RANBP2: variants seen among roughly 807,000 people sequenced by gnomAD.
The protein encoded by RANBP2 is E3 SUMO-protein ligase RanBP2.
A neutral mutation model predicts 303.6 loss-of-function variants in RANBP2; 57 were observed. The observed-to-expected ratio is 0.19, with a 90% CI of 0.15 to 0.23. RANBP2 has a LOEUF of 0.23. RANBP2 is among the 10% of genes least tolerant of loss of function. The pLI is 1.00. For synonymous variants in RANBP2, 1,167 were observed against 1,301.5 expected, an observed-to-expected ratio of 0.90 and a Z score of 2.23; for missense variants, 3,138 against 3,780.8, an observed-to-expected ratio of 0.83 and a Z score of 4.46.
At chr2:108,966,471 G>C in the RANBP2 span, among the ~76,000 whole-genome samples, 1 of 152,174 alleles carries the variant, frequency 6.6e-6, no homozygotes, top group East Asian at 1.9e-4. Flanking sequence ...CTCATCTCGC[G>C]GGCCCCGGTG....
the RANBP2 span, among the ~76,000 whole-genome samples, chr2:109,142,078 T>C: frequency 6.6e-6 from 1 of 151,568 alleles, no homozygotes; most frequent in African/African-American, 2.4e-5. Flanking sequence ...CTAGAACTTC[T>C]GCTGCAGCCC....
At chr2:109,742,999 G>A in the RANBP2 span, among the ~76,000 whole-genome samples, 2 of 148,576 alleles carry the variant, frequency 1.3e-5, no homozygotes, top group Admixed American at 1.3e-4. Context: ...AGCCAGGCAT[G>A]GTGGCTCACA....
the RANBP2 span, among the ~76,000 whole-genome samples, chr2:109,164,529 G>A: frequency 2.0e-5 from 3 of 152,238 alleles, no homozygotes; most frequent in East Asian, 1.9e-4. Context: ...AAGCCTGGCT[G>A]TTTCCCAGTT....
chr2:109,417,457 C>T, the RANBP2 span, among the ~76,000 whole-genome samples: 1 of 152,158 alleles, frequency 6.6e-6, no homozygotes, highest in South Asian at 2.1e-4. Context: ...GAAGGAATGC[C>T]CCCTTCCAGC....
the RANBP2 span, among the ~76,000 whole-genome samples, chr2:108,840,622 G>GTATT: frequency 1.2e-4 from 19 of 152,172 alleles, no homozygotes; most frequent in Non-Finnish European, 8.8e-5. Flanking sequence ...GTTTTTCATA[G>GTATT]TATTCTCTTA....
chr2:109,392,953 C>G, the RANBP2 span, among the ~76,000 whole-genome samples: 1 of 152,194 alleles, frequency 6.6e-6, no homozygotes, highest in East Asian at 1.9e-4. Flanking sequence ...GAACCAGTGT[C>G]AAAGGGAATC....
chr2:109,739,905 G>C, the RANBP2 span, among the ~76,000 whole-genome samples: 4 of 130,940 alleles, frequency 3.1e-5, no homozygotes, highest in Non-Finnish European at 4.9e-5. Flanking sequence ...TCTATACCCA[G>C]TTTTTTTTTT....
the RANBP2 span, among the ~76,000 whole-genome samples, chr2:109,284,953 C>G: frequency 1.1e-3 from 165 of 152,372 alleles, no homozygotes; most frequent in Non-Finnish European, 2.1e-3. Flanking sequence ...GAAAGACATT[C>G]TGGCCTTGTG....
chr2:109,129,410 G>A, the RANBP2 span: 1 of 1,437,988 alleles, frequency 7.0e-7, no homozygotes, highest in Non-Finnish European at 9.3e-7. Context: ...CTAGCATCGG[G>A]CCACCAGCCG....
rs542711340 is a variant in RANBP2 at position 108,763,293 on chromosome 2, G to A, written c.2754G>A (p.Pro918=). Residue 918 remains proline, a synonymous_variant, in exon 20 of 29, where the codon CCG becomes CCA. Transcript: ENST00000283195. The stretch of plus-strand genomic sequence containing the variant: ...CCCAACAGCATATTTATGCCTATCC[G>A]CAACAGATGCACACACCGCCAGTGC... ...LPPQQHIYAY[P]QQMHTPPVQS... 218 of 1,613,792 alleles carry A rather than the reference G, an allele frequency of 1.4e-4. 2 individuals are homozygous for A. In the South Asian group the frequency reaches 2.0e-3, roughly 15 times the overall value.
the RANBP2 span, among the ~76,000 whole-genome samples, chr2:108,891,694 G>A: frequency 6.6e-6 from 1 of 152,198 alleles, no homozygotes; most frequent in Non-Finnish European, 1.5e-5. Flanking sequence ...TGGATTGGGT[G>A]TGTAGGTGGG....
At chr2:109,059,122 AC>A in the RANBP2 span, among the ~76,000 whole-genome samples, 2 of 151,142 alleles carry the variant, frequency 1.3e-5, no homozygotes, top group African/African-American at 2.4e-5. Context: ...GAGTTAGGGG[AC>A]CCTCCTCCAC....
the RANBP2 span, among the ~76,000 whole-genome samples, chr2:109,520,725 G>A: frequency 7.2e-6 from 1 of 138,788 alleles, no homozygotes; most frequent in African/African-American, 2.5e-5. Context: ...GAGGTCAGGA[G>A]TTCGAGACCA....
chr2:109,178,731 A>G, the RANBP2 span, among the ~76,000 whole-genome samples: 1 of 152,228 alleles, frequency 6.6e-6, no homozygotes, highest in African/African-American at 2.4e-5. Flanking sequence ...TAACATTTTT[A>G]ATTGGTGTGT....
the RANBP2 span, among the ~76,000 whole-genome samples, chr2:109,071,234 G>A: frequency 6.6e-6 from 1 of 152,178 alleles, no homozygotes; most frequent in African/African-American, 2.4e-5. Flanking sequence ...AATGGAAAAG[G>A]TAAATTCAAG....
the RANBP2 span, among the ~76,000 whole-genome samples, chr2:109,011,154 C>T: frequency 4.6e-5 from 7 of 152,192 alleles, no homozygotes; most frequent in Admixed American, 2.6e-4. Flanking sequence ...TTTTCTTTTG[C>T]GTTAGATCCC....
At position 108,758,453 on chromosome 2, in the gene RANBP2, C is replaced by A. The variant is rs762106093; in HGVS notation, c.2507C>A (p.Ala836Glu). 5 of 1,611,724 alleles carry A rather than the reference C, an allele frequency of 3.1e-6. No individual in the cohort carries two copies. The Admixed American group carries it at 8.3e-5, about 27-fold the overall frequency. ...QELKLNSSNSASPHRWPTENY... is the reference protein window; with the variant it reads ...QELKLNSSNSESPHRWPTENY... ...TTGAAACTAAATAGCAGTAACTCAG[C>A]ATCCCCTCATCGTTGGCCCACAGAG... The change falls in exon 18 of 29, where the codon GCA (alanine) becomes GAA (glutamate). Residue 836 changes from alanine to glutamate, a missense_variant. Physicochemically the swap from Ala to Glu is moderately radical, Grantham distance 107 (BLOSUM62 -1). This residue lies in a region of RANBP2 where 194 missense variants were observed against 197.4 expected (regional missense o/e 0.98). Coordinates refer to ENST00000283195, the MANE Select transcript of RANBP2 (RefSeq NM_006267.5).
At chr2:108,994,695 A>C in the RANBP2 span, among the ~76,000 whole-genome samples, 1 of 151,616 alleles carries the variant, frequency 6.6e-6, no homozygotes, top group Admixed American at 6.6e-5. Context: ...AAAGGGGATT[A>C]TGGGGTCATG....
At chr2:109,066,900 G>C in the RANBP2 span, among the ~76,000 whole-genome samples, 2 of 152,172 alleles carry the variant, frequency 1.3e-5, no homozygotes, top group African/African-American at 4.8e-5. Flanking sequence ...CTGAGGCTGA[G>C]AGATGTCCAG....
Sources: allele counts gnomAD v4.1 joint callset (sites outside exome capture counted in the v4.1 genomes callset), GRCh38; gene constraint gnomAD v4.1.1; regional missense constraint gnomAD v4.1.1; transcripts MANE v1.5; gene names NCBI Gene and HGNC (gene_info 2026-07-23, HGNC 2026-07-21).